Variants in VAT1L observed in about 807,000 individuals in gnomAD.
VAT1L encodes the protein vesicle amine transport 1 like, also known as putative NADPH-dependent quinone oxidoreductase VAT1L.
In VAT1L, 34 loss-of-function variants were observed where a neutral mutation model predicts 44.1. That is an observed-to-expected ratio of 0.77 (90% CI 0.59 to 1.03). VAT1L has a LOEUF of 1.03. Among genes scored for constraint, VAT1L ranks in the 50% least tolerant of loss-of-function variants. The pLI, the probability that VAT1L is intolerant of heterozygous loss-of-function variation, is 0.00. For missense variants in VAT1L, 615 were observed against 538.8 expected (o/e 1.14, Z -1.40); for synonymous variants, 253 against 202.2 (o/e 1.25, Z -2.13).
chr16:77,881,176 T>C (rs1423784768), intron 6 of VAT1L, among the ~76,000 whole-genome samples: 1 of 152,182 alleles, frequency 6.6e-6, no homozygotes, highest in African/African-American at 2.4e-5. Context: ...CAACAGGGGA[T>C]TGCTGCTTTT....
In VAT1L at chr16:77,874,854, A is replaced by T. The variant is rs907605922; in HGVS notation, c.723-1516A>T. 6.9e-4 allele frequency among the ~76,000 whole-genome samples: 104 copies of T among 150,914 alleles called. 2 individuals carry two copies. Among genetic ancestry groups the T allele is most frequent in the Admixed American group, 1.9e-3 (29 of 15,096 alleles). On this transcript the variant is annotated intron_variant, in intron 4 of 8. Coordinates refer to ENST00000302536, the MANE Select transcript of VAT1L (RefSeq NM_020927.3). Reference sequence around the variant, plus strand: ...AATTAATTTGTAAAAAAAAAAAAAAAAAAAAAAAAGCCAGTCTGGCTCCTA... The same window carrying T: ...AATTAATTTGTAAAAAAAAAAAAAATAAAAAAAAAGCCAGTCTGGCTCCTA...
chr16:77,826,043 A>G (rs1441736923), intron 3 of VAT1L, among the ~76,000 whole-genome samples: 1 of 111,724 alleles, frequency 9.0e-6, no homozygotes, highest in East Asian at 3.5e-4. Flanking sequence ...GAAAAAAAAA[A>G]AAAAAAGAAA....
chr16:77,870,573 G>A (rs2017021047), intron 4 of VAT1L, among the ~76,000 whole-genome samples: 1 of 152,216 alleles, frequency 6.6e-6, no homozygotes, highest in Non-Finnish European at 1.5e-5. Flanking sequence ...GGGGACACAG[G>A]AAGGACAGAC....
intron 7 of VAT1L, among the ~76,000 whole-genome samples, chr16:77,960,141 G>C (rs988312812): frequency 2.6e-5 from 4 of 152,088 alleles, no homozygotes; most frequent in African/African-American, 9.7e-5. Context: ...TGTTACATTT[G>C]TTTGAGTCAT....
chr16:77,789,692 A>T (rs2015797999), intron 1 of VAT1L, among the ~76,000 whole-genome samples: 2 of 152,048 alleles, frequency 1.3e-5, no homozygotes, highest in African/African-American at 4.8e-5. Flanking sequence ...TTTCTCCGAG[A>T]GGGGAAAAAA....
chr16:77,832,322 A>C (rs1205361739), intron 3 of VAT1L, among the ~76,000 whole-genome samples: 3 of 152,174 alleles, frequency 2.0e-5, no homozygotes, highest in Non-Finnish European at 4.4e-5. Context: ...GATTCCACGA[A>C]GGCAAATGAG....
At chr16:77,936,663 A>C (rs575536526) in intron 7 of VAT1L, among the ~76,000 whole-genome samples, 71 of 152,288 alleles carry the variant, frequency 4.7e-4, no homozygotes, top group Middle Eastern at 3.4e-3. Flanking sequence ...CCTGCCTCAC[A>C]GTTTGAATCC....
chr16:77,846,368 C>G (rs1404753974), intron 3 of VAT1L, among the ~76,000 whole-genome samples: 1 of 152,114 alleles, frequency 6.6e-6, no homozygotes, highest in African/African-American at 2.4e-5. Context: ...TTTGCTGCCC[C>G]AAATATTTTC....
At chr16:77,961,921 CATTTTTGTCATT>C (rs1344558260) in intron 7 of VAT1L, among the ~76,000 whole-genome samples, 1 of 152,206 alleles carries the variant, frequency 6.6e-6, no homozygotes, top group East Asian at 1.9e-4. Flanking sequence ...TTGTTGTCAT[CATTTTTGTCATT>C]ATCATCATTG....
At chr16:77,913,644 G>T (rs1211628723) in intron 7 of VAT1L, among the ~76,000 whole-genome samples, 2 of 151,938 alleles carry the variant, frequency 1.3e-5, no homozygotes, top group Non-Finnish European at 2.9e-5. Context: ...TCCGTCCTTG[G>T]GACTCCACTC....
In VAT1L at chr16:77,887,999, T is replaced by TG. The variant is rs778088101; in HGVS notation, c.1077+3198dup. On this transcript the variant is annotated intron_variant, in intron 7 of 8. Transcript: ENST00000302536. ...CAGCAGCATTCATGTTTCTGGTCCTTGAGCCCACCCAGGCCTTCCCTGTCT... is the reference window on the plus strand; with the variant it reads ...CAGCAGCATTCATGTTTCTGGTCCTTGGAGCCCACCCAGGCCTTCCCTGTCT... Among the ~76,000 whole-genome samples, 88 of 152,216 alleles carry TG rather than the reference T, an allele frequency of 5.8e-4. 1 individual carries two copies. The highest frequency in any genetic ancestry group is 1.5e-4 in the Non-Finnish European group (10 of 68,044).
At chr16:77,833,265 A>C (rs2016600175) in intron 3 of VAT1L, among the ~76,000 whole-genome samples, 1 of 152,210 alleles carries the variant, frequency 6.6e-6, no homozygotes, top group African/African-American at 2.4e-5. Context: ...AAATAGTCAC[A>C]TGGATAACTT....
At chr16:77,927,422 G>A (rs2017682394) in intron 7 of VAT1L, among the ~76,000 whole-genome samples, 1 of 151,740 alleles carries the variant, frequency 6.6e-6, no homozygotes, top group Non-Finnish European at 1.5e-5. Context: ...AGAAACTGAG[G>A]CTCAGCAACT....
At chr16:77,941,414 CA>C (rs1298111441) in intron 7 of VAT1L, among the ~76,000 whole-genome samples, 1 of 152,140 alleles carries the variant, frequency 6.6e-6, no homozygotes, top group Admixed American at 6.5e-5. Flanking sequence ...TATCTATTGC[CA>C]ATTTCCATGG....
chr16:77,972,032 C>A (rs566859114), intron 8 of VAT1L, 99 bp downstream of exon 8: 29 of 1,175,748 alleles, frequency 2.5e-5, no homozygotes, highest in Non-Finnish European at 3.5e-5. Flanking sequence ...GTACAGGTAG[C>A]CTGTGGGCTA....
intron 7 of VAT1L, among the ~76,000 whole-genome samples, chr16:77,889,741 G>A (rs2017244060): frequency 6.6e-6 from 1 of 152,202 alleles, no homozygotes. Flanking sequence ...TGCAATAACA[G>A]AGTATTAATT....
intron 8 of VAT1L, among the ~76,000 whole-genome samples, chr16:77,976,269 A>G (rs2018338827): frequency 6.6e-6 from 1 of 152,220 alleles, no homozygotes; most frequent in African/African-American, 2.4e-5. Context: ...TCAGTGCTAC[A>G]AAGAAGAGGT....
chr16:77,868,763 C>G (rs548836611), intron 4 of VAT1L, among the ~76,000 whole-genome samples: 192 of 152,200 alleles, frequency 1.3e-3, no homozygotes, highest in African/African-American at 4.1e-3. Flanking sequence ...TAGATCAGAG[C>G]TTCCAACCTC....
chr16:77,808,689 G>T (rs1032499996), intron 1 of VAT1L, among the ~76,000 whole-genome samples: 1 of 152,004 alleles, frequency 6.6e-6, no homozygotes, highest in Non-Finnish European at 1.5e-5. Flanking sequence ...TCCACCTACC[G>T]GGTTCAAGCA....
Sources: gnomAD v4.1 joint callset for allele counts (sites outside exome capture counted in the v4.1 genomes callset) on GRCh38, gnomAD v4.1.1 for gene constraint, MANE v1.5 for transcripts, NCBI Gene and HGNC (gene_info 2026-07-23, HGNC 2026-07-21) for gene names.